Variants in PXT1 observed in about 807,000 individuals in gnomAD.
The protein encoded by PXT1 is peroxisomal testis-specific protein 1.
In PXT1, 11 loss-of-function variants were observed where a neutral mutation model predicts 11.0. The ratio of observed to expected loss-of-function variants is 1.00; its 90% CI spans 0.63 to 1.66. The LOEUF is 1.66. Ranked by LOEUF, PXT1 falls within the 40% of genes most tolerant of loss-of-function variation. The pLI is 0.00. For missense variants in PXT1, 141 were observed against 155.5 expected (o/e 0.91, Z 0.49); for synonymous variants, 43 against 51.4 (o/e 0.84, Z 0.70).
chr6:36,397,868 T>C (rs1013160247), intron 4 of PXT1, among the ~76,000 whole-genome samples: 2 of 151,962 alleles, frequency 1.3e-5, no homozygotes, highest in African/African-American at 4.8e-5. Context: ...ATTAAAAAAT[T>C]AGCCAGGTGT....
intron 3 of PXT1, among the ~76,000 whole-genome samples, chr6:36,423,498 G>A (rs1487262387): frequency 6.6e-6 from 1 of 152,210 alleles, no homozygotes; most frequent in Non-Finnish European, 1.5e-5. Flanking sequence ...GGCCGGCGGC[G>A]GCGCGCGCGT....
At chr6:36,403,957 T>A (rs376050693) in intron 3 of PXT1, among the ~76,000 whole-genome samples, 1 of 152,208 alleles carries the variant, frequency 6.6e-6, no homozygotes, top group African/African-American at 2.4e-5. Flanking sequence ...GAACTTAAGA[T>A]AAAGATTTAA....
rs546651833 is a variant in PXT1 at position 36,409,236 on chromosome 6, G to A, written c.170-8652C>T. Among the ~76,000 whole-genome samples, 3 of 152,232 alleles carry A rather than the reference G, an allele frequency of 2.0e-5. No homozygotes were observed. In the East Asian group the frequency reaches 5.8e-4, roughly 29 times the overall value. The stretch of plus-strand genomic sequence containing the variant: ...AAAATCAAAGTATGAAAAAGAACAA[G>A]GCCAGAACACTGAAGAGAATGGGAG... On this transcript the variant is annotated intron_variant, in intron 3 of 4. Transcript: ENST00000454782.
At chr6:36,426,204 A>G (rs1774603906) in intron 2 of PXT1, 113 bp from the exon 3 acceptor site, 1 of 679,088 alleles carries the variant, frequency 1.5e-6, no homozygotes, top group Non-Finnish European at 2.3e-6. Flanking sequence ...CACATATAAG[A>G]GAGTTATGGA....
chr6:36,404,258 C>T (rs1358850500), intron 3 of PXT1, among the ~76,000 whole-genome samples: 5 of 152,150 alleles, frequency 3.3e-5, no homozygotes, highest in African/African-American at 9.7e-5. Flanking sequence ...AGCCATGGGT[C>T]GCATAACTGT....
At chr6:36,442,294 G>A (rs1582281773) in intron 1 of PXT1, among the ~76,000 whole-genome samples, 1 of 152,120 alleles carries the variant, frequency 6.6e-6, no homozygotes, top group Non-Finnish European at 1.5e-5. Flanking sequence ...CTCCCAAAGT[G>A]CAAGGATTAC....
intron 2 of PXT1, among the ~76,000 whole-genome samples, chr6:36,433,615 C>G (rs1296491413): frequency 6.6e-6 from 1 of 151,200 alleles, no homozygotes; most frequent in Non-Finnish European, 1.5e-5. Flanking sequence ...GTCAGCAGAT[C>G]GAGACCATCC....
intron 1 of PXT1, among the ~76,000 whole-genome samples, chr6:36,439,091 TG>T (rs1722676750): frequency 6.6e-6 from 1 of 151,674 alleles, no homozygotes; most frequent in African/African-American, 2.4e-5. Context: ...CTCCGCCTCC[TG>T]GGTTCAAGCA....
At chr6:36,439,804 A>C (rs945870134) in intron 1 of PXT1, among the ~76,000 whole-genome samples, 4 of 152,216 alleles carry the variant, frequency 2.6e-5, no homozygotes, top group African/African-American at 9.6e-5. Flanking sequence ...AACAAGAGAT[A>C]AACATTATCA....
At chr6:36,392,607 G>A (rs1266542855) in intron 4 of PXT1, among the ~76,000 whole-genome samples, 5 of 152,166 alleles carry the variant, frequency 3.3e-5, no homozygotes, top group Admixed American at 1.3e-4. Context: ...GCTGCAGTGA[G>A]CTGTGATTGT....
intron 3 of PXT1, among the ~76,000 whole-genome samples, chr6:36,415,086 C>T (rs1774429188): frequency 6.6e-6 from 1 of 152,152 alleles, no homozygotes; most frequent in Non-Finnish European, 1.5e-5. Context: ...TTAAATTTAG[C>T]AGGCCTACAA....
intron 2 of PXT1, among the ~76,000 whole-genome samples, chr6:36,426,489 G>A (rs2127416716): frequency 6.7e-6 from 1 of 150,126 alleles, no homozygotes; most frequent in African/African-American, 2.4e-5. Context: ...TCCTGCCTCA[G>A]CCTCCTGAGT....
intron 1 of PXT1, among the ~76,000 whole-genome samples, chr6:36,439,117 G>C (rs1774816862): frequency 6.6e-6 from 1 of 151,600 alleles, no homozygotes; most frequent in Non-Finnish European, 1.5e-5. Context: ...TCCTGCCTCA[G>C]CCTCTCAAGT....
chr6:36,392,402 C>T (rs1220685794), intron 4 of PXT1, among the ~76,000 whole-genome samples: 2 of 152,160 alleles, frequency 1.3e-5, no homozygotes, highest in African/African-American at 4.8e-5. Context: ...GGCATGGTGG[C>T]TCCTGCCTGT....
intron 3 of PXT1, among the ~76,000 whole-genome samples, chr6:36,418,549 T>C (rs1774482983): frequency 6.6e-6 from 1 of 152,164 alleles, no homozygotes; most frequent in East Asian, 1.9e-4. Flanking sequence ...GTTGCTTTGA[T>C]TTAAAAAAAA....
chr6:36,428,146 T>A (rs1465741412), intron 2 of PXT1, among the ~76,000 whole-genome samples: 1 of 152,116 alleles, frequency 6.6e-6, no homozygotes, highest in African/African-American at 2.4e-5. Flanking sequence ...GATGAACTGA[T>A]AAAAGTACTA....
At position 36,422,163 on chromosome 6, in the gene PXT1, C is replaced by T. The variant is rs141621598; in HGVS notation, c.169+3751G>A. ...ATGTATACTTACCTATTGAATAACA[C>T]TGTCTTTAACAATCATTGTAGGTTA... On this transcript the variant is annotated intron_variant, in intron 3 of 4. Transcript: ENST00000454782. Among the ~76,000 whole-genome samples, 52 of 152,268 alleles carry T rather than the reference C, an allele frequency of 3.4e-4. 2 individuals carry two copies. The East Asian group carries it at 6.6e-3, about 19-fold the overall frequency.
chr6:36,421,783 T>C (rs1774528100), intron 3 of PXT1, among the ~76,000 whole-genome samples: 1 of 152,176 alleles, frequency 6.6e-6, no homozygotes, highest in Non-Finnish European at 1.5e-5. Flanking sequence ...TTCTACAAAC[T>C]TTTTAGACTG....
intron 2 of PXT1, among the ~76,000 whole-genome samples, chr6:36,430,035 T>C (rs867686704): frequency 6.6e-6 from 1 of 151,642 alleles, no homozygotes; most frequent in Non-Finnish European, 1.5e-5. Flanking sequence ...GGCAAAACCT[T>C]GTCTCTACTA....
Sources: allele counts gnomAD v4.1 joint callset (sites outside exome capture counted in the v4.1 genomes callset), GRCh38; gene constraint gnomAD v4.1.1; transcripts MANE v1.5; gene names NCBI Gene and HGNC (gene_info 2026-07-23, HGNC 2026-07-21).